The following ARFIP2 variants were observed in gnomAD, a reference collection of about 807,000 sequenced individuals.
The protein encoded by ARFIP2 is ARF interacting protein 2.
In ARFIP2, 14 loss-of-function variants were observed where a neutral mutation model predicts 39.2. The ratio of observed to expected loss-of-function variants is 0.36; its 90% CI spans 0.24 to 0.56. ARFIP2 has a LOEUF of 0.56. ARFIP2 is among the 20% of genes least tolerant of loss of function. The pLI is 0.85. For synonymous variants in ARFIP2, 167 were observed against 172.4 expected (o/e 0.97, Z 0.24); for missense variants, 305 against 422.5 (o/e 0.72, Z 2.44).
At position 6,479,063 on chromosome 11, in the gene ARFIP2, G is replaced by A. The variant is rs1851435921; in HGVS notation, c.315+77C>T. On this transcript the variant is annotated intron_variant, in intron 4 of 7. Coordinates refer to ENST00000396777, the MANE Select transcript of ARFIP2 (RefSeq NM_001376558.2). ...GGCTCCTACTCTCAGCCACAGATGGGATATTACGATCACGAAGAAAAGGGA... is the reference window on the plus strand; with the variant it reads ...GGCTCCTACTCTCAGCCACAGATGGAATATTACGATCACGAAGAAAAGGGA... 2.5e-6 allele frequency: 4 copies of A among 1,581,512 alleles called. No homozygotes were observed. In the South Asian group the frequency reaches 4.5e-5, roughly 18 times the overall value.
rs1851411899 is a variant in ARFIP2, at chr11:6,478,945, C to T, written c.330G>A (p.Leu110=). 6.2e-7 allele frequency: 1 copy of T among 1,614,064 alleles called. No individual in the cohort carries two copies. Among genetic ancestry groups the T allele is most frequent in the Non-Finnish European group, 8.5e-7 (1 of 1,180,006 alleles). The change falls in exon 5 of 8, where the codon CTG becomes CTA. Residue 110 remains leucine, a synonymous_variant. Coordinates refer to ENST00000396777, the MANE Select transcript of ARFIP2 (RefSeq NM_001376558.2). This position sits in a 1 kb window ranked among gnomAD's most constrained non-coding sequence, Gnocchi z 4.8. ...GINTYKCTKQ[L]LSERFGRGSR... ...AGCCTCGACCAAATCGTTCTGATAACAGTTGCTTTGTGCACTGATTGGGAA... is the reference window on the plus strand; with the variant it reads ...AGCCTCGACCAAATCGTTCTGATAATAGTTGCTTTGTGCACTGATTGGGAA...
Position 6,476,804 on chromosome 11 carries a change from C to A in ARFIP2, c.*309G>T. 3.2e-6 allele frequency: 1 copy of A among 311,990 alleles called. No individual in the cohort carries two copies. Among genetic ancestry groups the A allele is most frequent in the Non-Finnish European group, 6.0e-6 (1 of 165,420 alleles). The allele number at this position is 311,990 out of a possible 1,614,324, so 19.3% of individuals were successfully genotyped here. ...AGGCTCTGTCATTGGTCAGGGAGCA[C>A]ACCCCAGCCTGAAGAGTGATGCCAT... On this transcript the variant is annotated 3_prime_UTR_variant, in exon 8 of 8. Coordinates refer to ENST00000396777, the MANE Select transcript of ARFIP2 (RefSeq NM_001376558.2).
chr11:6,479,317 C>T (rs1199113659), intron 3 of ARFIP2, 59 bp from the exon 4 acceptor site: 4 of 1,612,520 alleles, frequency 2.5e-6, no homozygotes, highest in Non-Finnish European at 3.4e-6. Flanking sequence ...ACCTCTGTGG[C>T]CCCACCCATA....
chr11:6,478,973 G>A lies in ARFIP2; in HGVS notation c.316-14C>T, dbSNP rs376630295. The A allele has an allele frequency of 1.2e-6, 2 of 1,612,604 alleles. No homozygotes were observed. The highest frequency in any genetic ancestry group is 1.7e-6 in the Non-Finnish European group (2 of 1,178,790). On this transcript the variant is annotated splice_polypyrimidine_tract_variant and intron_variant, in intron 4 of 7. Coordinates refer to ENST00000396777, the MANE Select transcript of ARFIP2 (RefSeq NM_001376558.2). This position sits in a 1 kb window ranked among gnomAD's most constrained non-coding sequence, Gnocchi z 4.8. ...TTGCTTTGTGCACTGATTGGGAAAT[G>A]GGGGAATAAATCAGAGACCCTAACA...
chr11:6,478,162 G>A lies in ARFIP2; in HGVS notation c.574C>T (p.Leu192=). The change falls in exon 6 of 8, where the codon CTA becomes TTA. Residue 192 remains leucine (L), a synonymous_variant. Coordinates refer to ENST00000396777, the MANE Select transcript of ARFIP2 (RefSeq NM_001376558.2). This position sits in a 1 kb window ranked among gnomAD's most constrained non-coding sequence, Gnocchi z 4.8. The part of the protein sequence containing the change: ...FGYNAETQKL[L]CKNGETLLGA... ...AGCAGCGTTTCCCCATTCTTGCATA[G>A]TAGTTTCTGTGTCTCTGCATTGTAG... 1 of 1,614,056 alleles carries A rather than the reference G, an allele frequency of 6.2e-7. No individual in the cohort carries two copies. Among genetic ancestry groups the A allele is most frequent in the Non-Finnish European group, 8.5e-7 (1 of 1,180,008 alleles).
chr11:6,477,410 G>C lies in ARFIP2; in HGVS notation c.871-142C>G. 2 of 1,010,550 alleles carry C rather than the reference G, an allele frequency of 2.0e-6. No individual in the cohort carries two copies. The highest frequency in any genetic ancestry group is 2.6e-5 in the East Asian group (1 of 38,146). 62.6% of individuals were successfully genotyped at this position (1,010,550 alleles called of 1,614,324 possible). On this transcript the variant is annotated intron_variant, in intron 7 of 7. Transcript: ENST00000396777. The surrounding 1 kb of genome is among the most constrained non-coding windows in gnomAD (Gnocchi z 4.8). Reference sequence around the variant, plus strand: ...GGGTAGGGGCTGAACTCTACCCAGGGAGTCAAAGGAGAAGGGTCAGTATGA... The same window carrying C: ...GGGTAGGGGCTGAACTCTACCCAGGCAGTCAAAGGAGAAGGGTCAGTATGA...
intron 1 of ARFIP2, 29 bp from the exon 2 acceptor site, chr11:6,480,492 C>A: frequency 8.5e-7 from 1 of 1,170,844 alleles, no homozygotes; most frequent in South Asian, 1.6e-5. Flanking sequence ...AAGTTCTGGA[C>A]ACTGGCCAGC....
Position 6,480,365 on chromosome 11 carries a change from G to T in ARFIP2, c.57C>A (p.Asn19Lys), listed in dbSNP as rs755431319. The part of the protein sequence containing the change: ...AATMEIPIHG[N>K]GEARQLPEDD... Reference sequence around the variant, plus strand: ...CTTCAGGAAGCTGCCTGGCTTCGCCGTTCCCGTGGATAGGGATCTCCATTG... The same window carrying T: ...CTTCAGGAAGCTGCCTGGCTTCGCCTTTCCCGTGGATAGGGATCTCCATTG... Residue 19 changes from asparagine to lysine, a missense_variant, in exon 2 of 8, where the codon AAC (asparagine) becomes AAA (lysine). Transcript: ENST00000396777. 6.2e-7 allele frequency: 1 copy of T among 1,613,594 alleles called. No homozygotes were observed. Among genetic ancestry groups the T allele is most frequent in the Non-Finnish European group, 8.5e-7 (1 of 1,179,832 alleles).
At chr11:6,481,032 T>C (rs903083518) in intron 1 of ARFIP2, 199 bp downstream of exon 1, 2 of 213,702 alleles carry the variant, frequency 9.4e-6, no homozygotes, top group Non-Finnish European at 1.9e-5. Flanking sequence ...TCCCAGTCTC[T>C]GGTAAAAGCC....
chr11:6,477,076 AT>A lies in ARFIP2; in HGVS notation c.*36del. On this transcript the variant is annotated 3_prime_UTR_variant, in exon 8 of 8. Transcript: ENST00000396777. This position sits in a 1 kb window ranked among gnomAD's most constrained non-coding sequence, Gnocchi z 4.8. ...CCACACCCTGGGGCTGCCCTTCCCA[AT>A]GTCTTTCTTGATAGCCAAGTTGGGC... The A allele has an allele frequency of 6.3e-7, 1 of 1,586,650 alleles. No individual in the cohort carries two copies. The highest frequency in any genetic ancestry group is 8.6e-7 in the Non-Finnish European group (1 of 1,162,516).
rs976220008 is a variant in ARFIP2, at chr11:6,477,540, C to A, written c.870+178G>T. Among the ~76,000 whole-genome samples the A allele has an allele frequency of 5.3e-5, 8 of 152,090 alleles. No homozygotes were observed. Among genetic ancestry groups the A allele is most frequent in the Non-Finnish European group, 1.2e-4 (8 of 68,020 alleles). ...TGGGACCAGCAGCCAAATCCTCCAACAGGAAAGGGCCAGGAATTGGAGGGA... is the reference window on the plus strand; with the variant it reads ...TGGGACCAGCAGCCAAATCCTCCAAAAGGAAAGGGCCAGGAATTGGAGGGA... On this transcript the variant is annotated intron_variant, in intron 7 of 7. Coordinates refer to ENST00000396777, the MANE Select transcript of ARFIP2 (RefSeq NM_001376558.2). This position sits in a 1 kb window ranked among gnomAD's most constrained non-coding sequence, Gnocchi z 4.8.
chr11:6,477,646 G>T lies in ARFIP2; in HGVS notation c.870+72C>A, dbSNP rs1851224247. 1 of 1,520,950 alleles carries T rather than the reference G, an allele frequency of 6.6e-7. No individual in the cohort carries two copies. Among genetic ancestry groups the T allele is most frequent in the Non-Finnish European group, 9.0e-7 (1 of 1,113,898 alleles). The allele number at this position is 1,520,950 out of a possible 1,614,324, so 94.2% of individuals were successfully genotyped here. A position where few individuals can be genotyped will look rare whatever the true frequency, so the allele number is the denominator to read the frequency against. ...GGCTGCATTTCCTCATTCAATAATG[G>T]GGAGGGTCTGAGGGGAAGGTTAGTG... is the stretch of plus-strand genomic sequence containing the variant. On this transcript the variant is annotated intron_variant, in intron 7 of 7. Transcript: ENST00000396777. The surrounding 1 kb of genome is among the most constrained non-coding windows in gnomAD (Gnocchi z 4.8).
At chr11:6,479,704 G>A (rs1851514343) in intron 3 of ARFIP2, 1 of 549,728 alleles carries the variant, frequency 1.8e-6, no homozygotes, top group Non-Finnish European at 3.2e-6. Context: ...GTAGAGGGGG[G>A]GCATTCCTGT....
chr11:6,480,176 A>G (rs2134312939), intron 2 of ARFIP2, 108 bp from the exon 3 acceptor site: 1 of 1,273,564 alleles, frequency 7.9e-7, no homozygotes. Flanking sequence ...TACACAAGGG[A>G]AGTCTGCACA....
chr11:6,477,195 T>C lies in ARFIP2; in HGVS notation c.944A>G (p.Gln315Arg), dbSNP rs771077067. Residue 315 changes from glutamine to arginine, a missense_variant, in exon 8 of 8, where the codon CAG becomes CGG. By Grantham distance (43) the Gln-to-Arg change is conservative (BLOSUM62 1). Coordinates refer to ENST00000396777, the MANE Select transcript of ARFIP2 (RefSeq NM_001376558.2). This position sits in a 1 kb window ranked among gnomAD's most constrained non-coding sequence, Gnocchi z 4.8. ...GAACTGCTGCAGGGTCTGCTCCAGC[T>C]GTTTCTGGTTCCCAGCAAAGTAGGC... is the stretch of plus-strand genomic sequence containing the variant. ...VSAYFAGNQK[Q>R]LEQTLQQFNI... 6.2e-7 allele frequency: 1 copy of C among 1,613,314 alleles called. No homozygotes were observed. The highest frequency in any genetic ancestry group is 8.5e-7 in the Non-Finnish European group (1 of 1,179,672).
Position 6,477,816 on chromosome 11 carries a change from G to T in ARFIP2, c.772C>A (p.Leu258Ile). The T allele has an allele frequency of 6.2e-7, 1 of 1,613,986 alleles. No individual in the cohort carries two copies. Among genetic ancestry groups the T allele is most frequent in the Non-Finnish European group, 8.5e-7 (1 of 1,179,970 alleles). ...GPRDAGTRGR[L>I]ESAQATFQAH... ...TGGAAAGTGGCCTGGGCACTCTCAA[G>T]TCGACCACGTGTCCCTGCATCCCGG... The change falls in exon 7 of 8, where the codon CTT (leucine) becomes ATT (isoleucine). Residue 258 changes from leucine (L) to isoleucine (I), a missense_variant. Coordinates refer to ENST00000396777, the MANE Select transcript of ARFIP2 (RefSeq NM_001376558.2). The surrounding 1 kb of genome is among the most constrained non-coding windows in gnomAD (Gnocchi z 4.8).
intron 2 of ARFIP2, 34 bp from the exon 3 acceptor site, chr11:6,480,102 C>T: frequency 1.9e-6 from 3 of 1,585,744 alleles, no homozygotes; most frequent in Non-Finnish European, 2.6e-6. Flanking sequence ...GCTTCAGGAA[C>T]ATAGGGGCTG....
Position 6,480,002 on chromosome 11 carries a change from C to A in ARFIP2, c.166G>T (p.Gly56Trp). The A allele has an allele frequency of 1.9e-6, 3 of 1,614,148 alleles. No homozygotes were observed. The East Asian group carries it at 6.7e-5, about 36-fold the overall frequency. ...GGGATGAGTCCATCACCAGAGCCCCCATAGCCACCAGACACAATGCTGGTT... is the reference window on the plus strand; with the variant it reads ...GGGATGAGTCCATCACCAGAGCCCCAATAGCCACCAGACACAATGCTGGTT... ...NETSIVSGGY[G>W]GSGDGLIPTG... The change falls in exon 3 of 8, where the codon GGG becomes TGG. Residue 56 changes from glycine (G) to tryptophan (W), a missense_variant. This residue lies in a region of ARFIP2 where 151 missense variants were observed against 203.1 expected (regional missense o/e 0.74). Transcript: ENST00000396777.
chr11:6,478,094 G>T lies in ARFIP2; in HGVS notation c.642C>A (p.Val214=), dbSNP rs771662519. The change falls in exon 6 of 8, where the codon GTC becomes GTA. Residue 214 remains valine, a synonymous_variant. Transcript: ENST00000396777. This position sits in a 1 kb window ranked among gnomAD's most constrained non-coding sequence, Gnocchi z 4.8. ...TGAGCGTGTCTTCCATGGTCTTGGT[G>T]ACCAATGTGTTGATGCTAGAGACAA... ...NFFVSSINTL[V]TKTMEDTLMT... 1.9e-6 allele frequency: 3 copies of T among 1,613,950 alleles called. No homozygotes were observed. The highest frequency in any genetic ancestry group is 1.1e-5 in the South Asian group (1 of 91,076).
Sources: gnomAD v4.1 joint callset for allele counts (sites outside exome capture counted in the v4.1 genomes callset) on GRCh38, gnomAD v4.1.1 for gene constraint, gnomAD v4.1.1 regional missense constraint, Gnocchi (gnomAD v3.1) non-coding constraint, MANE v1.5 for transcripts, NCBI Gene and HGNC (gene_info 2026-07-23, HGNC 2026-07-21) for gene names.